IGF2BP1: variants seen among roughly 807,000 people sequenced by gnomAD.
The protein encoded by IGF2BP1 is insulin like growth factor 2 mRNA binding protein 1.
In IGF2BP1, 11 loss-of-function variants were observed where a neutral mutation model predicts 74.9. That is an observed-to-expected ratio of 0.15 (90% CI 0.09 to 0.24). The LOEUF (loss-of-function observed/expected upper bound fraction) is 0.24. Among genes scored for constraint, IGF2BP1 ranks in the 10% least tolerant of loss-of-function variants. The probability of loss-of-function intolerance (pLI) is 1.00; values close to 1 mark genes in which losing one functional copy is unlikely to be tolerated. For missense variants in IGF2BP1, 440 were observed against 757.4 expected (o/e 0.58, Z 4.92); for synonymous variants, 287 against 281.8 (o/e 1.02, Z -0.18).
At chr17:49,002,926 G>A (rs1392281843) in intron 2 of IGF2BP1, among the ~76,000 whole-genome samples, 1 of 152,066 alleles carries the variant, frequency 6.6e-6, no homozygotes, top group Non-Finnish European at 1.5e-5. Context: ...AGTTTTGTAA[G>A]GGCAGTGGCA....
At chr17:49,025,313 AGTGT>A (rs369153046) in intron 2 of IGF2BP1, among the ~76,000 whole-genome samples, 3,913 of 133,596 alleles carry the variant, frequency 0.029, 129 homozygotes, top group African/African-American at 0.088. Context: ...GGACAAACAA[AGTGT>A]GTGTGTGTGT....
chr17:49,012,823 T>C (rs1177549087), intron 2 of IGF2BP1: 1 of 152,154 alleles, frequency 6.6e-6, no homozygotes, highest in African/African-American at 2.4e-5. Flanking sequence ...AGCTTTGACT[T>C]TACCAGCTCA....
rs558888674 is a variant in IGF2BP1 at position 49,048,549 on chromosome 17, C to T, written c.1642-803C>T. On this transcript the variant is annotated intron_variant, in intron 14 of 14. Transcript: ENST00000290341. ...ATTACAGGCATGAGCCACCGTGCAC[C>T]TGGCCATATCTAGACATATTATTCC... Among the ~76,000 whole-genome samples, 5 of 152,212 alleles carry T rather than the reference C, an allele frequency of 3.3e-5. No homozygotes were observed. In the South Asian group the frequency reaches 8.3e-4, roughly 25 times the overall value.
chr17:49,038,065 A>G (rs2042008936), intron 5 of IGF2BP1, 103 bp from the exon 6 acceptor site: 3 of 1,045,720 alleles, frequency 2.9e-6, no homozygotes, highest in East Asian at 2.9e-5. Flanking sequence ...CCTTTTCTTT[A>G]GTGTGTTCCA....
chr17:49,031,553 A>G (rs563067583), intron 4 of IGF2BP1, among the ~76,000 whole-genome samples: 3 of 149,240 alleles, frequency 2.0e-5, no homozygotes, highest in Non-Finnish European at 3.0e-5. Context: ...TTCGGAGTGC[A>G]GTGGCATGAT....
intron 5 of IGF2BP1, among the ~76,000 whole-genome samples, chr17:49,037,884 C>G (rs1013271091): frequency 1.1e-4 from 16 of 152,208 alleles, no homozygotes; most frequent in African/African-American, 3.9e-4. Flanking sequence ...TTCTATTGGA[C>G]TGGAAGCCCA....
chr17:49,005,594 C>T (rs1365149039), intron 2 of IGF2BP1, among the ~76,000 whole-genome samples: 2 of 152,180 alleles, frequency 1.3e-5, no homozygotes, highest in Admixed American at 1.3e-4. Flanking sequence ...AGAAAAATCC[C>T]ATAATAGAGG....
rs1425954875 is a variant in IGF2BP1 at position 49,055,167 on chromosome 17, A to AT, written c.*5723_*5724insT. 2 of 151,612 alleles carry AT rather than the reference A, an allele frequency of 1.3e-5. No homozygotes were observed. Among genetic ancestry groups the AT allele is most frequent in the African/African-American group, 4.9e-5 (2 of 40,968 alleles). The allele number at this position is 151,612 out of a possible 1,614,324, so 9.4% of individuals were successfully genotyped here. A position where few individuals can be genotyped will look rare whatever the true frequency, so the allele number is the denominator to read the frequency against. Reference sequence around the variant, plus strand: ...TAAAAAAAAAAAAACCAAAAAAAAAAATTTTTTTTTAAAAGGGAGACATTT... The same window carrying AT: ...TAAAAAAAAAAAAACCAAAAAAAAAATATTTTTTTTTAAAAGGGAGACATTT... On this transcript the variant is annotated 3_prime_UTR_variant, in exon 15 of 15. Coordinates refer to ENST00000290341, the MANE Select transcript of IGF2BP1 (RefSeq NM_006546.4).
intron 5 of IGF2BP1, chr17:49,036,528 G>GC (rs1555600548): frequency 2.2e-4 from 33 of 151,280 alleles, no homozygotes; most frequent in African/African-American, 8.0e-4. Context: ...CTGCATGTTT[G>GC]TTTTTTTTTG....
chr17:49,025,564 A>G (rs2041842282), intron 2 of IGF2BP1, 54 bp from the exon 3 acceptor site: 6 of 1,503,684 alleles, frequency 4.0e-6, no homozygotes, highest in Middle Eastern at 3.7e-4. Flanking sequence ...GCGAGTTCAC[A>G]GACCCCTAAT....
Position 49,055,452 on chromosome 17 carries a change from T to A in IGF2BP1, c.*6008T>A. On this transcript the variant is annotated 3_prime_UTR_variant, in exon 15 of 15. Transcript: ENST00000290341. ...ACCCCTGTCCCCCCTCCCCTGCCAA[T>A]AAGCTCCCCCAGGAATAAAGGCTTT... 2.9e-4 allele frequency: 100 copies of A among 343,396 alleles called. No homozygotes were observed. Among genetic ancestry groups the A allele is most frequent in the Non-Finnish European group, 3.8e-4 (73 of 191,386 alleles). 21.3% of individuals were successfully genotyped at this position (343,396 alleles called of 1,614,324 possible).
At chr17:49,041,717 G>A (rs1323644897) in intron 8 of IGF2BP1, among the ~76,000 whole-genome samples, 1 of 152,200 alleles carries the variant, frequency 6.6e-6, no homozygotes, top group Non-Finnish European at 1.5e-5. Flanking sequence ...GTGTTGTAAG[G>A]TGCTGCCTCT....
Position 49,032,193 on chromosome 17 carries a change from C to T in IGF2BP1, c.401+220C>T, listed in dbSNP as rs2041930088. ...TTCAGGGATCTCAAAGGCTCAGAAA[C>T]ATCAAGATTGATAGCAAAAATACAT... On this transcript the variant is annotated intron_variant, in intron 5 of 14. Coordinates refer to ENST00000290341, the MANE Select transcript of IGF2BP1 (RefSeq NM_006546.4). Among the ~76,000 whole-genome samples the T allele has an allele frequency of 2.6e-5, 4 of 152,264 alleles. No individual in the cohort carries two copies. In the South Asian group the frequency reaches 6.2e-4, roughly 24 times the overall value.
At chr17:49,007,758 C>G (rs1021583970) in intron 2 of IGF2BP1, among the ~76,000 whole-genome samples, 1 of 152,092 alleles carries the variant, frequency 6.6e-6, no homozygotes, top group African/African-American at 2.4e-5. Context: ...TTGAGGATGT[C>G]TATTCAAAGT....
At position 48,997,506 on chromosome 17, in the gene IGF2BP1, G is replaced by A. The variant is rs1358571714; in HGVS notation, c.-240G>A. On this transcript the variant is annotated 5_prime_UTR_variant, in exon 1 of 15. Transcript: ENST00000290341. This position sits in a 1 kb window ranked among gnomAD's most constrained non-coding sequence, Gnocchi z 4.8. ...CGAAGGGAAGAAGCTGCGCCGTGTC[G>A]TCCGTCTCCCTGCGCGCCGCGGGCA... 2.4e-5 allele frequency: 12 copies of A among 492,202 alleles called. No individual in the cohort carries two copies. The highest frequency in any genetic ancestry group is 1.1e-5 in the Non-Finnish European group (3 of 278,388). The allele number at this position is 492,202 out of a possible 1,614,324, so 30.5% of individuals were successfully genotyped here.
chr17:49,034,416 G>T (rs990192999), intron 5 of IGF2BP1, among the ~76,000 whole-genome samples: 8 of 150,668 alleles, frequency 5.3e-5, no homozygotes, highest in Admixed American at 2.6e-4. Context: ...ACCACACTTG[G>T]CCTTTTTTTT....
chr17:49,000,519 A>G (rs1299742133), intron 2 of IGF2BP1, among the ~76,000 whole-genome samples: 1 of 152,228 alleles, frequency 6.6e-6, no homozygotes, highest in Non-Finnish European at 1.5e-5. Context: ...TAAAATGGGA[A>G]GGAAGAAAAG....
intron 2 of IGF2BP1, among the ~76,000 whole-genome samples, chr17:49,011,223 C>T (rs1197445875): frequency 6.7e-6 from 1 of 148,754 alleles, no homozygotes; most frequent in Non-Finnish European, 1.5e-5. Context: ...TGTTTTCGGG[C>T]AGACCATTCA....
chr17:49,045,820 C>G (rs2042102482), intron 12 of IGF2BP1, 70 bp from the exon 13 acceptor site: 1 of 1,537,496 alleles, frequency 6.5e-7, no homozygotes, highest in African/African-American at 1.4e-5. Context: ...GCTGGAGCTT[C>G]CTTTTTCCCA....
Sources: gnomAD v4.1 joint callset for allele counts (sites outside exome capture counted in the v4.1 genomes callset) on GRCh38, gnomAD v4.1.1 for gene constraint, Gnocchi (gnomAD v3.1) non-coding constraint, MANE v1.5 for transcripts, NCBI Gene and HGNC (gene_info 2026-07-23, HGNC 2026-07-21) for gene names.